The following LHFPL3 variants were observed in gnomAD, a reference collection of about 807,000 sequenced individuals.
LHFPL3 encodes the protein LHFPL tetraspan subfamily member 3.
In LHFPL3, 5 loss-of-function variants were observed where a neutral mutation model predicts 19.3. The observed-to-expected ratio is 0.26, with a 90% CI of 0.14 to 0.54. LHFPL3 has a LOEUF of 0.54. Ranked by LOEUF, LHFPL3 falls within the 20% of genes least tolerant of loss-of-function variation. The pLI is 0.94. For synonymous variants in LHFPL3, 133 were observed against 126.2 expected, an observed-to-expected ratio of 1.05 and a Z score of -0.36; for missense variants, 249 against 307.4, an observed-to-expected ratio of 0.81 and a Z score of 1.42.
At position 104,737,881 on chromosome 7, in the gene LHFPL3, T is replaced by G. The variant is rs77022891; in HGVS notation, c.682+970T>G. On this transcript the variant is annotated intron_variant, in intron 2 of 2. Coordinates refer to ENST00000424859, the MANE Select transcript of LHFPL3 (RefSeq NM_199000.3). ...AAGTAGGTGCTAATTTCAAAAACCC[T>G]TCACTGCTTCAACGGGACTCAAATA... 4.3e-3 allele frequency among the ~76,000 whole-genome samples: 656 copies of G among 152,300 alleles called. 14 individuals are homozygous for G. The highest frequency in any genetic ancestry group is 0.035 in the East Asian group (180 of 5,186).
intron 1 of LHFPL3, among the ~76,000 whole-genome samples, chr7:104,505,064 C>T (rs535024886): frequency 3.0e-4 from 45 of 152,288 alleles, no homozygotes; most frequent in African/African-American, 1.1e-3. Context: ...TGTGTATATA[C>T]ATACTATGTA....
At chr7:104,895,884 C>T (rs554349220) in intron 2 of LHFPL3, 1 of 152,418 alleles carries the variant, frequency 6.6e-6, no homozygotes, top group South Asian at 2.1e-4. Context: ...ATCCCACAGA[C>T]CTGGTAGCTT....
At chr7:104,777,095 A>T (rs1055535283) in intron 2 of LHFPL3, among the ~76,000 whole-genome samples, 9 of 152,196 alleles carry the variant, frequency 5.9e-5, no homozygotes, top group Non-Finnish European at 8.8e-5. Flanking sequence ...CAGGAAAGAG[A>T]TGCAGGGAGC....
chr7:104,888,234 A>G (rs1792186459), intron 2 of LHFPL3, among the ~76,000 whole-genome samples: 1 of 152,180 alleles, frequency 6.6e-6, no homozygotes, highest in African/African-American at 2.4e-5. Context: ...AATTATGTAA[A>G]TATGTATCAT....
At chr7:104,498,973 T>G (rs920297027) in intron 1 of LHFPL3, among the ~76,000 whole-genome samples, 1 of 152,222 alleles carries the variant, frequency 6.6e-6, no homozygotes, top group Non-Finnish European at 1.5e-5. Context: ...AAGATTTTTT[T>G]TTCCATGAGG....
intron 1 of LHFPL3, among the ~76,000 whole-genome samples, chr7:104,671,285 G>A (rs1465635572): frequency 1.3e-5 from 2 of 151,732 alleles, no homozygotes; most frequent in African/African-American, 4.8e-5. Context: ...ATTGATTGTA[G>A]ATAATGAAAA....
intron 2 of LHFPL3, among the ~76,000 whole-genome samples, chr7:104,899,543 C>T (rs1302563203): frequency 6.6e-6 from 1 of 152,176 alleles, no homozygotes; most frequent in African/African-American, 2.4e-5. Context: ...AGCTGGTAGT[C>T]TTTCCCACAC....
chr7:104,650,000 T>A (rs1260099927), intron 1 of LHFPL3, among the ~76,000 whole-genome samples: 1 of 152,164 alleles, frequency 6.6e-6, no homozygotes, highest in Admixed American at 6.6e-5. Flanking sequence ...CATTGCAGAT[T>A]AAGAAGCACT....
intron 1 of LHFPL3, among the ~76,000 whole-genome samples, chr7:104,493,917 A>C (rs1793407634): frequency 6.6e-6 from 1 of 152,212 alleles, no homozygotes; most frequent in Admixed American, 6.5e-5. Flanking sequence ...GATGTGCAGT[A>C]AGTGTAAAAA....
intron 1 of LHFPL3, among the ~76,000 whole-genome samples, chr7:104,372,446 A>G (rs1043353849): frequency 5.9e-5 from 9 of 152,140 alleles, no homozygotes; most frequent in Non-Finnish European, 1.2e-4. Flanking sequence ...ATCCTATTAT[A>G]TTTAGGATAC....
intron 2 of LHFPL3, among the ~76,000 whole-genome samples, chr7:104,878,217 G>A (rs1791985769): frequency 6.6e-6 from 1 of 151,808 alleles, no homozygotes; most frequent in Non-Finnish European, 1.5e-5. Flanking sequence ...TGTGGTACAG[G>A]CACACCTCAT....
At chr7:104,537,384 T>G (rs1008876507) in intron 1 of LHFPL3, among the ~76,000 whole-genome samples, 3 of 152,232 alleles carry the variant, frequency 2.0e-5, no homozygotes, top group Non-Finnish European at 4.4e-5. Flanking sequence ...AGACTATTCA[T>G]AAGAAAGTTA....
intron 2 of LHFPL3, among the ~76,000 whole-genome samples, chr7:104,850,120 T>A (rs1253541541): frequency 6.6e-6 from 1 of 152,072 alleles, no homozygotes; most frequent in Non-Finnish European, 1.5e-5. Flanking sequence ...CTGACCAACA[T>A]GGAGAAGCCC....
intron 1 of LHFPL3, among the ~76,000 whole-genome samples, chr7:104,462,503 A>T (rs538170170): frequency 1.4e-4 from 22 of 151,846 alleles, no homozygotes; most frequent in Admixed American, 1.4e-3. Context: ...ATCTATTGAG[A>T]TTTATCTTTA....
chr7:104,646,487 A>G (rs923040867), intron 1 of LHFPL3, among the ~76,000 whole-genome samples: 2 of 152,242 alleles, frequency 1.3e-5, no homozygotes, highest in African/African-American at 4.8e-5. Flanking sequence ...ATTGGCAAAC[A>G]GAGAGGAAAG....
At chr7:104,522,163 T>G (rs1794078993) in intron 1 of LHFPL3, among the ~76,000 whole-genome samples, 1 of 151,910 alleles carries the variant, frequency 6.6e-6, no homozygotes, top group African/African-American at 2.4e-5. Flanking sequence ...ATAGACTGGA[T>G]TAAGAAAATG....
intron 2 of LHFPL3, among the ~76,000 whole-genome samples, chr7:104,742,514 C>T (rs1793953611): frequency 6.6e-6 from 1 of 152,142 alleles, no homozygotes. Context: ...TCACACCATG[C>T]TATGGCCACA....
At chr7:104,677,206 A>G (rs961472291) in intron 1 of LHFPL3, among the ~76,000 whole-genome samples, 5 of 152,090 alleles carry the variant, frequency 3.3e-5, no homozygotes, top group African/African-American at 1.2e-4. Flanking sequence ...TGAGATCTAC[A>G]TCTCTACAAA....
chr7:104,591,347 A>G (rs113672662), intron 1 of LHFPL3, among the ~76,000 whole-genome samples: 13,215 of 152,258 alleles, frequency 0.087, 771 homozygotes, highest in Middle Eastern at 0.16. Context: ...ATGTCTGTAA[A>G]GTATTTTATT....
Sources: gnomAD v4.1 joint callset for allele counts (sites outside exome capture counted in the v4.1 genomes callset) on GRCh38, gnomAD v4.1.1 for gene constraint, MANE v1.5 for transcripts, NCBI Gene and HGNC (gene_info 2026-07-23, HGNC 2026-07-21) for gene names.